Variants in PAM16 observed in about 807,000 individuals in gnomAD.
PAM16 encodes the protein presequence translocase associated motor 16.
PAM16 carries 11 observed loss-of-function variants against 17.9 expected under a neutral mutation model. That is an observed-to-expected ratio of 0.62 (90% CI 0.39 to 1.02). PAM16 has a LOEUF of 1.02. PAM16 is among the 50% of genes least tolerant of loss of function. The pLI, the probability that PAM16 is intolerant of heterozygous loss-of-function variation, is 0.01. For synonymous variants in PAM16, 72 were observed against 67.4 expected, an observed-to-expected ratio of 1.07 and a Z score of -0.34; for missense variants, 199 against 165.4, an observed-to-expected ratio of 1.20 and a Z score of -1.11.
chr16:4,347,117 T>G (rs1487088868), intron 1 of PAM16: 2 of 152,260 alleles, frequency 1.3e-5, no homozygotes, highest in Non-Finnish European at 1.5e-5. Context: ...CTCAAGAGAT[T>G]CTCCTGCTTA....
intron 1 of PAM16, chr16:4,345,735 C>T (rs909012358): frequency 7.3e-6 from 3 of 410,772 alleles, no homozygotes; most frequent in South Asian, 2.0e-4. Context: ...TGTGGCTGTA[C>T]TGCAGATGAG....
rs780313211 is a variant in PAM16 at position 4,340,305 on chromosome 16, G to A, written c.*14C>T. On this transcript the variant is annotated 3_prime_UTR_variant, in exon 5 of 5. Coordinates refer to ENST00000318059, the MANE Select transcript of PAM16 (RefSeq NM_016069.11). The stretch of plus-strand genomic sequence containing the variant: ...AAATTAGAGGCGGCGGGGTGGGCGG[G>A]GGGAGCCGAGCAGTCACGTATGGGG... The A allele has an allele frequency of 6.2e-7, 1 of 1,603,690 alleles. No individual in the cohort carries two copies. Among genetic ancestry groups the A allele is most frequent in the Non-Finnish European group, 8.5e-7 (1 of 1,173,326 alleles).
At position 4,340,324 on chromosome 16, in the gene PAM16, T is replaced by C; in HGVS notation, c.373A>G (p.Thr125Ala). ...EDREKGQMPH[T>A] The stretch of plus-strand genomic sequence containing the variant: ...GGGCGGGGGGAGCCGAGCAGTCACG[T>C]ATGGGGCATCTGCCCTTTTTCTCTG... The change falls in exon 5 of 5, where the codon ACG becomes GCG. Residue 125 changes from threonine (T) to alanine (A), a missense_variant. Physicochemically the swap from Thr to Ala is moderately conservative, Grantham distance 58 (BLOSUM62 0). Transcript: ENST00000318059. 1.2e-6 allele frequency: 2 copies of C among 1,612,460 alleles called. No individual in the cohort carries two copies. The highest frequency in any genetic ancestry group is 1.7e-6 in the Non-Finnish European group (2 of 1,179,732).
At chr16:4,344,326 TTCCGTGAGAGGAGGGGGTTC>T (rs2053704637) in intron 1 of PAM16, among the ~76,000 whole-genome samples, 2 of 3,562 alleles carry the variant, frequency 5.6e-4, no homozygotes, top group African/African-American at 4.6e-3. Context: ...GAGGAGGGGG[TTCCGTGAGAGGAGGGGGTTC>T]TGTGTGAGAA....
intron 1 of PAM16, among the ~76,000 whole-genome samples, chr16:4,349,089 G>A (rs945883656): frequency 6.6e-6 from 1 of 151,784 alleles, no homozygotes; most frequent in Non-Finnish European, 1.5e-5. Context: ...CTGAGTAGCT[G>A]GGACTACAGG....
chr16:4,341,199 C>G (rs552585337), intron 3 of PAM16, among the ~76,000 whole-genome samples, 169 bp downstream of exon 3: 1 of 152,236 alleles, frequency 6.6e-6, no homozygotes, highest in Non-Finnish European at 1.5e-5. Flanking sequence ...TCTAGACTGT[C>G]CTGCCTCAGG....
chr16:4,344,099 C>T, intron 1 of PAM16: 3 of 397,476 alleles, frequency 7.5e-6, no homozygotes, highest in Non-Finnish European at 1.3e-5. Flanking sequence ...TGATTCCATG[C>T]CCCGCAGAGG....
In PAM16 at chr16:4,341,382, C is replaced by T; in HGVS notation, c.211G>A (p.Glu71Lys). The change falls in exon 3 of 5, where the codon GAG becomes AAG. Residue 71 changes from glutamate to lysine, a missense_variant. By Grantham distance (56) the Glu-to-Lys change is moderately conservative. Transcript: ENST00000318059. Reference sequence around the variant, plus strand: ...AGTGGCCTCACCTTCTGGACCTCCTCAGGGCTCAGCTTGGACACGTTGAGA... The same window carrying T: ...AGTGGCCTCACCTTCTGGACCTCCTTAGGGCTCAGCTTGGACACGTTGAGA... ...QILNVSKLSP[E>K]EVQKNYEHLF... The T allele has an allele frequency of 6.3e-7, 1 of 1,583,146 alleles. No individual in the cohort carries two copies. Among genetic ancestry groups the T allele is most frequent in the Non-Finnish European group, 8.6e-7 (1 of 1,164,790 alleles).
chr16:4,349,259 C>G (rs540866276), intron 1 of PAM16, among the ~76,000 whole-genome samples: 2 of 151,880 alleles, frequency 1.3e-5, no homozygotes, highest in Non-Finnish European at 1.5e-5. Context: ...CCGGCCAGCA[C>G]TTTCTTTTCC....
intron 1 of PAM16, chr16:4,345,892 G>A (rs1053552992): frequency 3.0e-6 from 3 of 984,988 alleles, no homozygotes; most frequent in African/African-American, 1.7e-5. Context: ...GGGTCCCCTC[G>A]GCTTGAAACA....
intron 1 of PAM16, 51 bp downstream of exon 1, chr16:4,351,181 C>T (rs1160829096): frequency 5.8e-6 from 7 of 1,206,110 alleles, no homozygotes; most frequent in Non-Finnish European, 1.1e-6. Flanking sequence ...GCCCCCGGCC[C>T]CCGGCCCGAC....
chr16:4,349,570 C>T (rs1210203659), intron 1 of PAM16, among the ~76,000 whole-genome samples: 1 of 151,916 alleles, frequency 6.6e-6, no homozygotes, highest in Non-Finnish European at 1.5e-5. Context: ...CTAGGAGACC[C>T]ATCTGGGGCA....
At chr16:4,340,500 T>A (rs1166021858) in intron 4 of PAM16, 95 bp from the exon 5 acceptor site, 3 of 1,391,282 alleles carry the variant, frequency 2.2e-6, no homozygotes, top group African/African-American at 1.4e-5. Flanking sequence ...CCCAGGTCCA[T>A]TTTTTGAAGG....
chr16:4,342,788 G>A lies in PAM16; in HGVS notation c.88+419C>T, dbSNP rs533318302. 6.6e-5 allele frequency among the ~76,000 whole-genome samples: 10 copies of A among 151,956 alleles called. 1 individual carries two copies. Among genetic ancestry groups the A allele is most frequent in the South Asian group, 4.1e-4 (2 of 4,820 alleles). On this transcript the variant is annotated intron_variant, in intron 2 of 4. Transcript: ENST00000318059. ...AGCATGGCCAACATAGTGAAACCCC[G>A]TCTCTACTAAAAATACAAAAATTAG...
chr16:4,342,483 C>T (rs1241178165), intron 2 of PAM16, among the ~76,000 whole-genome samples: 2 of 149,716 alleles, frequency 1.3e-5, no homozygotes, highest in Admixed American at 6.7e-5. Flanking sequence ...GGAGAAACCC[C>T]GTCTCTACTA....
intron 4 of PAM16, 82 bp from the exon 5 acceptor site, chr16:4,340,487 C>A: frequency 6.8e-7 from 1 of 1,464,236 alleles, no homozygotes; most frequent in Non-Finnish European, 9.3e-7. Flanking sequence ...CTATTCCCAT[C>A]AGCCCAGGTC....
At chr16:4,345,693 G>A in intron 1 of PAM16, 1 of 190,210 alleles carries the variant, frequency 5.3e-6, no homozygotes, top group Non-Finnish European at 9.7e-6. Flanking sequence ...GCCCAGAGAA[G>A]ACCCTCCTGT....
chr16:4,346,722 TTTTA>T (rs1340666817), intron 1 of PAM16: 3 of 152,160 alleles, frequency 2.0e-5, no homozygotes, highest in Non-Finnish European at 2.9e-5. Flanking sequence ...GTCTTTTATT[TTTTA>T]TTTATTTTTT....
intron 2 of PAM16, among the ~76,000 whole-genome samples, chr16:4,342,189 A>G (rs115889965): frequency 3.3e-5 from 5 of 152,292 alleles, no homozygotes; most frequent in African/African-American, 1.2e-4. Flanking sequence ...TAAAATACAA[A>G]ATTACTAAAA....
Sources: gnomAD v4.1 joint callset for allele counts (sites outside exome capture counted in the v4.1 genomes callset) on GRCh38, gnomAD v4.1.1 for gene constraint, MANE v1.5 for transcripts, NCBI Gene and HGNC (gene_info 2026-07-23, HGNC 2026-07-21) for gene names.